Variants in SH3RF3 observed in about 807,000 individuals in gnomAD.
SH3RF3 encodes the protein SH3 domain containing ring finger 3.
A neutral mutation model predicts 66.3 loss-of-function variants in SH3RF3; 29 were observed. The observed-to-expected ratio is 0.44, with a 90% CI of 0.33 to 0.60. The LOEUF is 0.60. Among genes scored for constraint, SH3RF3 ranks in the 20% least tolerant of loss-of-function variants. SH3RF3 has a pLI of 0.04. For synonymous variants in SH3RF3, 583 were observed against 532.0 expected (o/e 1.10, Z -1.32); for missense variants, 1,194 against 1,190.9 (o/e 1.00, Z -0.04).
chr2:109,274,179 A>C (rs1680694137), intron 1 of SH3RF3, among the ~76,000 whole-genome samples: 1 of 152,236 alleles, frequency 6.6e-6, no homozygotes, highest in Non-Finnish European at 1.5e-5. Context: ...TAGAAAGTTA[A>C]AAAGTCATTA....
At chr2:109,440,096 T>C (rs1301524837) in intron 7 of SH3RF3, among the ~76,000 whole-genome samples, 2 of 152,208 alleles carry the variant, frequency 1.3e-5, no homozygotes, top group Non-Finnish European at 2.9e-5. Flanking sequence ...GGCCTGGCAA[T>C]GAGGAATAGC....
At chr2:109,454,883 T>A (rs949337185) in intron 8 of SH3RF3, among the ~76,000 whole-genome samples, 1 of 152,032 alleles carries the variant, frequency 6.6e-6, no homozygotes, top group Non-Finnish European at 1.5e-5. Context: ...GCCAGTAAGT[T>A]TTCACTCTCA....
In SH3RF3 at chr2:109,437,095, C is replaced by T. The variant is rs533076533; in HGVS notation, c.1777C>T (p.Arg593Trp). 2.1e-5 allele frequency: 34 copies of T among 1,613,396 alleles called. No homozygotes were observed. Among genetic ancestry groups the T allele is most frequent in the South Asian group, 1.4e-4 (13 of 91,030 alleles). Reference sequence around the variant, plus strand: ...CTCGCCCCCAACAGGCAGCTGTCTACGGCACTCAGCCCAGCCAACGGCCAG... The same window carrying T: ...CTCGCCCCCAACAGGCAGCTGTCTATGGCACTCAGCCCAGCCAACGGCCAG... ...TASPPTGSCL[R>W]HSAQPTASQA... Residue 593 changes from arginine (R) to tryptophan (W), a missense_variant, in exon 7 of 10, where the codon CGG (arginine) becomes TGG (tryptophan). Transcript: ENST00000309415.
At chr2:109,353,083 G>T (rs550229712) in intron 2 of SH3RF3, among the ~76,000 whole-genome samples, 2 of 152,364 alleles carry the variant, frequency 1.3e-5, no homozygotes, top group East Asian at 3.9e-4. Context: ...GCCACATGGA[G>T]CCTCTGCTCA....
chr2:109,490,534 C>A, intron 8 of SH3RF3, 71 bp from the exon 9 acceptor site: 1 of 1,225,168 alleles, frequency 8.2e-7, no homozygotes, highest in South Asian at 2.2e-5. Flanking sequence ...AAGATGCATT[C>A]CCCTCTCTCT....
At chr2:109,373,050 G>C (rs1683308405) in intron 3 of SH3RF3, among the ~76,000 whole-genome samples, 1 of 152,058 alleles carries the variant, frequency 6.6e-6, no homozygotes, top group Admixed American at 6.6e-5. Flanking sequence ...GGGACCAGTG[G>C]TTCTCGCACA....
At chr2:109,413,794 C>G (rs951923315) in intron 4 of SH3RF3, among the ~76,000 whole-genome samples, 2 of 152,206 alleles carry the variant, frequency 1.3e-5, no homozygotes, top group Non-Finnish European at 2.9e-5. Context: ...GGGACAGAAA[C>G]CAGGGGACTG....
intron 1 of SH3RF3, among the ~76,000 whole-genome samples, chr2:109,143,806 G>GTA (rs1372295462): frequency 3.4e-5 from 3 of 87,676 alleles, no homozygotes; most frequent in Non-Finnish European, 9.7e-5. Flanking sequence ...GTGCTGTGCT[G>GTA]TATACACACA....
chr2:109,492,548 T>C (rs1349616423), intron 9 of SH3RF3, among the ~76,000 whole-genome samples: 1 of 152,180 alleles, frequency 6.6e-6, no homozygotes, highest in Non-Finnish European at 1.5e-5. Flanking sequence ...CTGCCTTCTA[T>C]GTTTCCCCAA....
chr2:109,307,093 T>C (rs566407265), intron 1 of SH3RF3, among the ~76,000 whole-genome samples: 1 of 152,222 alleles, frequency 6.6e-6, no homozygotes, highest in South Asian at 2.1e-4. Context: ...CAACAGACAT[T>C]CTTTATTTCT....
At chr2:109,151,411 A>G (rs1006260405) in intron 1 of SH3RF3, among the ~76,000 whole-genome samples, 1 of 152,188 alleles carries the variant, frequency 6.6e-6, no homozygotes, top group Non-Finnish European at 1.5e-5. Context: ...CAAATTCCTA[A>G]TTTTATACTC....
Position 109,129,371 on chromosome 2 carries a change from TC to T in SH3RF3, c.-169del, listed in dbSNP as rs1167178202. On this transcript the variant is annotated 5_prime_UTR_variant, in exon 1 of 10. Transcript: ENST00000309415. Reference sequence around the variant, plus strand: ...GGCCGGTCCCCGCCACGCAGGCCGGTCGGTGAGCCACTTCGCACCGCCACAG... The same window carrying T: ...GGCCGGTCCCCGCCACGCAGGCCGGTGGTGAGCCACTTCGCACCGCCACAG... 4.6e-6 allele frequency: 4 copies of T among 873,792 alleles called. No homozygotes were observed. In the African/African-American group the frequency reaches 7.5e-5, roughly 16 times the overall value. 54.1% of individuals were successfully genotyped at this position (873,792 alleles called of 1,614,324 possible). A position where few individuals can be genotyped will look rare whatever the true frequency, so the allele number is the denominator to read the frequency against.
chr2:109,238,638 TA>T (rs969107753), intron 1 of SH3RF3, among the ~76,000 whole-genome samples: 3 of 152,112 alleles, frequency 2.0e-5, no homozygotes, highest in African/African-American at 7.2e-5. Flanking sequence ...CAGAGTTTCT[TA>T]AACCCAGAGT....
chr2:109,225,195 C>T (rs562571950), intron 1 of SH3RF3, among the ~76,000 whole-genome samples: 42 of 152,278 alleles, frequency 2.8e-4, no homozygotes, highest in African/African-American at 1.0e-3. Context: ...GAGATTCTAT[C>T]TTGCCCCATT....
intron 2 of SH3RF3, among the ~76,000 whole-genome samples, chr2:109,350,993 T>A (rs979677184): frequency 1.5e-4 from 23 of 152,272 alleles, no homozygotes; most frequent in Non-Finnish European, 2.9e-4. Flanking sequence ...TGTTTGCTTT[T>A]GAATAGTCCT....
At chr2:109,367,162 C>T (rs1408889663) in intron 2 of SH3RF3, among the ~76,000 whole-genome samples, 2 of 142,952 alleles carry the variant, frequency 1.4e-5, no homozygotes, top group Non-Finnish European at 1.5e-5. Context: ...CAGGGTTTTG[C>T]CATGTTGGCC....
At chr2:109,265,038 T>C (rs1411073302) in intron 1 of SH3RF3, among the ~76,000 whole-genome samples, 2 of 152,256 alleles carry the variant, frequency 1.3e-5, no homozygotes, top group African/African-American at 4.8e-5. Context: ...TGGCCAGCTC[T>C]TGTGGACCGC....
At chr2:109,207,444 T>G (rs1011684308) in intron 1 of SH3RF3, among the ~76,000 whole-genome samples, 1 of 152,160 alleles carries the variant, frequency 6.6e-6, no homozygotes, top group Non-Finnish European at 1.5e-5. Context: ...TTTGAAAATA[T>G]TTGTGATGTA....
chr2:109,496,600 A>T (rs1286469521), intron 9 of SH3RF3, among the ~76,000 whole-genome samples: 3 of 152,162 alleles, frequency 2.0e-5, no homozygotes, highest in South Asian at 4.1e-4. Context: ...TTCTCCCCAG[A>T]TGTTCACATC....
Sources: allele counts gnomAD v4.1 joint callset (sites outside exome capture counted in the v4.1 genomes callset), GRCh38; gene constraint gnomAD v4.1.1; transcripts MANE v1.5; gene names NCBI Gene and HGNC (gene_info 2026-07-23, HGNC 2026-07-21).